The following PHLPP2 variants were observed in gnomAD, a reference collection of about 807,000 sequenced individuals.
PHLPP2 encodes PH domain and leucine rich repeat protein phosphatase 2, also known as PH domain leucine-rich repeat-containing protein phosphatase 2.
A neutral mutation model predicts 124.9 loss-of-function variants in PHLPP2; 66 were observed. The ratio of observed to expected loss-of-function variants is 0.53; its 90% confidence interval spans 0.43 to 0.65. The LOEUF (loss-of-function observed/expected upper bound fraction) is 0.65. Among genes scored for constraint, PHLPP2 ranks in the 30% least tolerant of loss-of-function variants. PHLPP2 has a pLI of 0.00. For synonymous variants in PHLPP2, 681 were observed against 624.7 expected (o/e 1.09, Z -1.34); for missense variants, 1,685 against 1,600.4 (o/e 1.05, Z -0.90).
chr16:71,708,007 G>A (rs980907688), intron 2 of PHLPP2, among the ~76,000 whole-genome samples: 3 of 152,078 alleles, frequency 2.0e-5, no homozygotes, highest in Admixed American at 6.6e-5. Context: ...CCTGTAATAC[G>A]AGCACTTTGG....
At chr16:71,669,576 G>A (rs893792104) in intron 10 of PHLPP2, among the ~76,000 whole-genome samples, 1 of 152,214 alleles carries the variant, frequency 6.6e-6, no homozygotes, top group East Asian at 1.9e-4. Context: ...ACAAGTACCT[G>A]AAAATGTATA....
At chr16:71,710,613 T>C (rs1267198818) in intron 2 of PHLPP2, among the ~76,000 whole-genome samples, 3 of 152,226 alleles carry the variant, frequency 2.0e-5, no homozygotes, top group Non-Finnish European at 4.4e-5. Context: ...AGTACTTTAT[T>C]GCTATCTGAA....
Position 71,652,994 on chromosome 16 carries a change from C to T in PHLPP2, c.2613G>A (p.Leu871=). 6.2e-7 allele frequency: 1 copy of T among 1,613,104 alleles called. No homozygotes were observed. ...HRKLGMAGQK[L]GSSALLCYIR... ...TGTAGCACAGGAGAGCGGAGGAGCC[C>T]AACTTCTGGCCAGCCATTCCTAATT... The change falls in exon 18 of 19, where the codon TTG becomes TTA. Residue 871 remains leucine (L), a synonymous_variant. Transcript: ENST00000568954.
In PHLPP2 at chr16:71,714,640, G is replaced by A; in HGVS notation, c.156C>T (p.Ser52=). ...TATTTTTTSS[S]SSSSSSSSDL... is the part of the protein sequence containing the mutation. ...CAGAGGAAGAGGAGGAGGAGGAAGA[G>A]GAAGAGGAGGTGGTGGTGGTTGTAG... The change falls in exon 2 of 19, where the codon TCC becomes TCT. Residue 52 remains serine (S), a synonymous_variant. Coordinates refer to ENST00000568954, the MANE Select transcript of PHLPP2 (RefSeq NM_015020.3). 1 of 1,613,808 alleles carries A rather than the reference G, an allele frequency of 6.2e-7. No individual in the cohort carries two copies. The highest frequency in any genetic ancestry group is 8.5e-7 in the Non-Finnish European group (1 of 1,179,728).
Position 71,676,658 on chromosome 16 carries a change from G to A in PHLPP2, c.1269-9C>T, listed in dbSNP as rs567773351. 23 of 1,578,590 alleles carry A rather than the reference G, an allele frequency of 1.5e-5. No homozygotes were observed. The highest frequency in any genetic ancestry group is 4.0e-5 in the African/African-American group (3 of 74,244). The stretch of plus-strand genomic sequence containing the variant: ...TTTTCAAATGGTTCATCCTTAATAC[G>A]CAGAAACAAGAAAATAATCATAAAT... On this transcript the variant is annotated splice_polypyrimidine_tract_variant and intron_variant, in intron 8 of 18. Transcript: ENST00000568954.
intron 10 of PHLPP2, among the ~76,000 whole-genome samples, chr16:71,670,262 A>G (rs1258175772): frequency 2.6e-5 from 4 of 152,182 alleles, no homozygotes; most frequent in South Asian, 4.1e-4. Flanking sequence ...TGTAGCTGAA[A>G]TAACTGCAGT....
intron 3 of PHLPP2, among the ~76,000 whole-genome samples, chr16:71,701,017 C>T (rs1049473669): frequency 2.0e-5 from 3 of 152,026 alleles, no homozygotes; most frequent in African/African-American, 7.2e-5. Flanking sequence ...GAAGAGGGAA[C>T]TGAAGCCTCC....
chr16:71,689,235 G>A (rs999536613), intron 4 of PHLPP2, among the ~76,000 whole-genome samples: 3 of 151,552 alleles, frequency 2.0e-5, no homozygotes, highest in African/African-American at 7.3e-5. Flanking sequence ...TTTTTTAAGA[G>A]ACAGGGACTC....
intron 2 of PHLPP2, 53 bp downstream of exon 2, chr16:71,714,459 C>T: frequency 6.6e-7 from 1 of 1,504,746 alleles, no homozygotes; most frequent in East Asian, 2.3e-5. Context: ...TAAGCAGAAA[C>T]ACATTATTAT....
intron 3 of PHLPP2, among the ~76,000 whole-genome samples, chr16:71,691,696 T>A (rs1335474690): frequency 6.6e-6 from 1 of 152,010 alleles, no homozygotes; most frequent in Non-Finnish European, 1.5e-5. Flanking sequence ...GGTACTTCAA[T>A]CAACTATTCC....
chr16:71,668,415 CAAAAAAAAAAA>C (rs34860764), intron 11 of PHLPP2, among the ~76,000 whole-genome samples: 16 of 26,942 alleles, frequency 5.9e-4, no homozygotes, highest in Admixed American at 2.3e-3. Flanking sequence ...GACTCTGTCT[CAAAAAAAAAAA>C]AAAAAAAAAA....
chr16:71,716,534 T>C (rs569387832), intron 1 of PHLPP2, among the ~76,000 whole-genome samples: 1 of 152,364 alleles, frequency 6.6e-6, no homozygotes, highest in South Asian at 2.1e-4. Context: ...ATTTTTATGA[T>C]GGGCTATTTC....
chr16:71,668,760 T>C (rs1251465242), intron 11 of PHLPP2, among the ~76,000 whole-genome samples: 1 of 151,554 alleles, frequency 6.6e-6, no homozygotes, highest in African/African-American at 2.4e-5. Context: ...TGAGACCCTG[T>C]CTCCAAAAAA....
chr16:71,674,134 A>G (rs1388933417), intron 9 of PHLPP2, among the ~76,000 whole-genome samples: 1 of 150,192 alleles, frequency 6.7e-6, no homozygotes, highest in Non-Finnish European at 1.5e-5. Context: ...CTGGAGTGTA[A>G]TGGCATGACC....
In PHLPP2 at chr16:71,724,486, C is replaced by T. The variant is rs779539644; in HGVS notation, c.-164G>A. 2 of 152,258 alleles carry T rather than the reference C, an allele frequency of 1.3e-5. No individual in the cohort carries two copies. Among genetic ancestry groups the T allele is most frequent in the Non-Finnish European group, 2.9e-5 (2 of 68,042 alleles). The allele number at this position is 152,258 out of a possible 1,614,324, so 9.4% of individuals were successfully genotyped here. On this transcript the variant is annotated 5_prime_UTR_variant, in exon 1 of 19. Coordinates refer to ENST00000568954, the MANE Select transcript of PHLPP2 (RefSeq NM_015020.3). ...ATTATCAGAATTCGGTGCTCTGCTTCAAGCAGTAATATGGCCTGTGACCCG... is the reference window on the plus strand; with the variant it reads ...ATTATCAGAATTCGGTGCTCTGCTTTAAGCAGTAATATGGCCTGTGACCCG...
At chr16:71,718,572 T>A in intron 1 of PHLPP2, among the ~76,000 whole-genome samples, 2 of 137,214 alleles carry the variant, frequency 1.5e-5, no homozygotes, top group Non-Finnish European at 1.5e-5. Flanking sequence ...AGTGCAAGAC[T>A]CTATCTCAAA....
At chr16:71,676,058 A>G (rs1433274539) in intron 9 of PHLPP2, among the ~76,000 whole-genome samples, 5 of 151,778 alleles carry the variant, frequency 3.3e-5, no homozygotes, top group Non-Finnish European at 7.4e-5. Flanking sequence ...TTACCCAACC[A>G]TTAGAAAAAT....
rs2044675119 is a variant in PHLPP2, at chr16:71,649,145, T to C, written c.3717A>G (p.Lys1239=). 1.2e-6 allele frequency: 2 copies of C among 1,613,790 alleles called. No homozygotes were observed. Among genetic ancestry groups the C allele is most frequent in the East Asian group, 4.5e-5 (2 of 44,854 alleles). ...SPSTSCLYGK[K]LSNGSIVPLE... ...GGGGCACAATAGAGCCATTGGAGAG[T>C]TTCTTCCCATAGAGGCAGGAGGTGG... is the stretch of plus-strand genomic sequence containing the variant. The change falls in exon 19 of 19, where the codon AAA becomes AAG. Residue 1239 remains lysine (K), a synonymous_variant. Coordinates refer to ENST00000568954, the MANE Select transcript of PHLPP2 (RefSeq NM_015020.3).
rs1462149321 is a variant in PHLPP2 at position 71,709,010 on chromosome 16, C to T, written c.284+5502G>A. ...AAAAATAAATTTTAAAAAATTCTGC[C>T]AATTAAACTATAACCTACCATCAAC... On this transcript the variant is annotated intron_variant, in intron 2 of 18. Transcript: ENST00000568954. 3.9e-5 allele frequency among the ~76,000 whole-genome samples: 6 copies of T among 152,000 alleles called. No homozygotes were observed. In the East Asian group the frequency reaches 1.2e-3, roughly 29 times the overall value.
Sources: allele counts gnomAD v4.1 joint callset (sites outside exome capture counted in the v4.1 genomes callset), GRCh38; gene constraint gnomAD v4.1.1; transcripts MANE v1.5; gene names NCBI Gene and HGNC (gene_info 2026-07-23, HGNC 2026-07-21).